The following JADE1 variants were observed in gnomAD, a reference collection of about 807,000 sequenced individuals.
The protein encoded by JADE1 is protein Jade-1.
JADE1 carries 14 observed loss-of-function variants against 81.8 expected under a neutral mutation model. The ratio of observed to expected loss-of-function variants is 0.17; its 90% CI spans 0.11 to 0.27. JADE1 has a LOEUF of 0.27. Among genes scored for constraint, JADE1 ranks in the 10% least tolerant of loss-of-function variants. The pLI is 1.00. For synonymous variants in JADE1, 353 were observed against 391.9 expected, an observed-to-expected ratio of 0.90 and a Z score of 1.17; for missense variants, 690 against 1,047.9, an observed-to-expected ratio of 0.66 and a Z score of 4.71.
chr4:128,812,874 A>G (rs1726608169), intron 1 of JADE1, among the ~76,000 whole-genome samples: 1 of 152,272 alleles, frequency 6.6e-6, no homozygotes, highest in African/African-American at 2.4e-5. Context: ...TGACAGCTGC[A>G]GTGAATGACC....
At chr4:128,855,059 T>C (rs1274002042) in intron 6 of JADE1, among the ~76,000 whole-genome samples, 2 of 151,770 alleles carry the variant, frequency 1.3e-5, no homozygotes, top group Non-Finnish European at 2.9e-5. Flanking sequence ...TGCTGGGATC[T>C]AGTTGGTATG....
chr4:128,856,299 A>G (rs918087624), intron 7 of JADE1, among the ~76,000 whole-genome samples: 3 of 152,190 alleles, frequency 2.0e-5, no homozygotes, highest in African/African-American at 7.2e-5. Flanking sequence ...TCATCTTGTC[A>G]TGGAATGTAG....
At chr4:128,841,426 G>A (rs1364165675) in intron 2 of JADE1, among the ~76,000 whole-genome samples, 1 of 152,110 alleles carries the variant, frequency 6.6e-6, no homozygotes, top group Non-Finnish European at 1.5e-5. Context: ...AAGAGGAGCT[G>A]GAATTATTGG....
At chr4:128,866,085 A>G (rs1306724758) in intron 9 of JADE1, among the ~76,000 whole-genome samples, 1 of 152,182 alleles carries the variant, frequency 6.6e-6, no homozygotes. Flanking sequence ...GGGTGGAACA[A>G]TATCGAAGAG....
At chr4:128,848,875 TG>T (rs796500348) in intron 4 of JADE1, 104 bp from the exon 5 acceptor site, 40 of 1,066,706 alleles carry the variant, frequency 3.7e-5, no homozygotes, top group South Asian at 1.1e-4. Flanking sequence ...GGTGATGACC[TG>T]GGGCTCTAAG....
intron 1 of JADE1, among the ~76,000 whole-genome samples, chr4:128,827,127 CTT>C (rs1307332723): frequency 1.3e-5 from 2 of 152,172 alleles, no homozygotes; most frequent in Non-Finnish European, 2.9e-5. Flanking sequence ...ATCTCCACCT[CTT>C]TTGGAATCTG....
chr4:128,865,156 A>C (rs748586280), intron 9 of JADE1, among the ~76,000 whole-genome samples: 5 of 152,258 alleles, frequency 3.3e-5, no homozygotes, highest in Non-Finnish European at 7.3e-5. Context: ...TAGTGGCTAC[A>C]GTGTCCCCTG....
chr4:128,815,946 G>A (rs374283306), intron 1 of JADE1, among the ~76,000 whole-genome samples: 20 of 151,808 alleles, frequency 1.3e-4, no homozygotes, highest in African/African-American at 3.4e-4. Flanking sequence ...TGAAAGTTAC[G>A]TCACGTTTAA....
At position 128,873,255 on chromosome 4, in the gene JADE1, G is replaced by GGAAAAAAAAAAAAAAAAAAAAA. The variant is rs1732323890; in HGVS notation, c.*1010_*1011insAAAAAGAAAAAAAAAAAAAAAA. Reference sequence around the variant, plus strand: ...ACATGAATGGATTCCTTAAGAAAAAGGAAAAAAAAAAAAAAAAGAAAAAAA... The same window carrying GGAAAAAAAAAAAAAAAAAAAAA: ...ACATGAATGGATTCCTTAAGAAAAAGGAAAAAAAAAAAAAAAAAAAAAGAAAAAAAAAAAAAAAAGAAAAAAA... On this transcript the variant is annotated 3_prime_UTR_variant, in exon 11 of 11. Transcript: ENST00000226319. 4.5e-5 allele frequency: 1 copy of GGAAAAAAAAAAAAAAAAAAAAA among 22,222 alleles called. No individual in the cohort carries two copies. Among genetic ancestry groups the GGAAAAAAAAAAAAAAAAAAAAA allele is most frequent in the Non-Finnish European group, 1.0e-4 (1 of 9,540 alleles). 1.4% of individuals were successfully genotyped at this position (22,222 alleles called of 1,614,324 possible). A position where few individuals can be genotyped will look rare whatever the true frequency, so the allele number is the denominator to read the frequency against.
At chr4:128,840,817 A>G (rs571307007) in intron 2 of JADE1, among the ~76,000 whole-genome samples, 1 of 152,344 alleles carries the variant, frequency 6.6e-6, no homozygotes, top group African/African-American at 2.4e-5. Context: ...GTATTTTTTT[A>G]AAGAAGAATT....
intron 2 of JADE1, among the ~76,000 whole-genome samples, chr4:128,842,450 C>T (rs1254986245): frequency 6.6e-6 from 1 of 152,122 alleles, no homozygotes; most frequent in Admixed American, 6.5e-5. Context: ...CAGGTGCCTG[C>T]CACCACGCGA....
intron 1 of JADE1, among the ~76,000 whole-genome samples, chr4:128,828,062 A>G (rs1051221678): frequency 5.3e-5 from 8 of 152,152 alleles, no homozygotes; most frequent in Non-Finnish European, 7.3e-5. Flanking sequence ...AGGCACAAAC[A>G]GTAGTGAATT....
chr4:128,821,146 C>T (rs773591051), intron 1 of JADE1, among the ~76,000 whole-genome samples: 9 of 152,116 alleles, frequency 5.9e-5, no homozygotes, highest in Non-Finnish European at 8.8e-5. Flanking sequence ...AACACAAACT[C>T]CTGATTTCAG....
chr4:128,862,310 C>A, intron 9 of JADE1, 85 bp downstream of exon 9: 1 of 1,575,772 alleles, frequency 6.3e-7, no homozygotes, highest in Middle Eastern at 1.7e-4. Flanking sequence ...GAAATGATAG[C>A]CAGTCATATA....
At chr4:128,838,251 GTCTT>G (rs1156357120) in intron 2 of JADE1, among the ~76,000 whole-genome samples, 1 of 152,166 alleles carries the variant, frequency 6.6e-6, no homozygotes, top group Non-Finnish European at 1.5e-5. Context: ...TCCCCACTCA[GTCTT>G]TCCCATGTTT....
chr4:128,859,919 C>T (rs1209546419), intron 8 of JADE1, among the ~76,000 whole-genome samples: 1 of 152,192 alleles, frequency 6.6e-6, no homozygotes, highest in Non-Finnish European at 1.5e-5. Context: ...GAAATGTCTG[C>T]AGCTGTGAAG....
chr4:128,859,517 G>A, intron 8 of JADE1, among the ~76,000 whole-genome samples: 1 of 151,940 alleles, frequency 6.6e-6, no homozygotes. Context: ...ATGCGTGTGA[G>A]TATGCTTGTG....
At chr4:128,842,856 G>C (rs928345825) in intron 2 of JADE1, 97 bp from the exon 3 acceptor site, 1 of 986,962 alleles carries the variant, frequency 1.0e-6, no homozygotes, top group African/African-American at 1.6e-5. Flanking sequence ...GCAGTGCTGA[G>C]GTGAGCCTGG....
rs1389608869 is a variant in JADE1 at position 128,862,913 on chromosome 4, T to TGTGTGC, written c.1503+689_1503+690insTGTGCG. 6.7e-4 allele frequency: 661 copies of TGTGTGC among 983,426 alleles called. 9 individuals carry two copies. The East Asian group carries it at 0.053, about 79-fold the overall frequency. 60.9% of individuals were successfully genotyped at this position (983,426 alleles called of 1,614,324 possible). On this transcript the variant is annotated intron_variant, in intron 9 of 10. Transcript: ENST00000226319. ...CTGAGGCTGTGTGTGTGTGTGTGTG[T>TGTGTGC]GCGCGTGCCCGTGTCCATCCATGTC... is the stretch of plus-strand genomic sequence containing the variant.
Sources: allele counts gnomAD v4.1 joint callset (sites outside exome capture counted in the v4.1 genomes callset), GRCh38; gene constraint gnomAD v4.1.1; transcripts MANE v1.5; gene names NCBI Gene and HGNC (gene_info 2026-07-23, HGNC 2026-07-21).